Variants in SLC10A7 observed in about 807,000 individuals in gnomAD.
The protein encoded by SLC10A7 is sodium/bile acid cotransporter 7.
A neutral mutation model predicts 43.2 loss-of-function variants in SLC10A7; 29 were observed. The ratio of observed to expected loss-of-function variants is 0.67; its 90% CI spans 0.50 to 0.92. The LOEUF is 0.92. Ranked by LOEUF, SLC10A7 falls within the 40% of genes least tolerant of loss-of-function variation. The pLI is 0.00. For synonymous variants in SLC10A7, 152 were observed against 144.8 expected (o/e 1.05, Z -0.35); for missense variants, 295 against 403.2 (o/e 0.73, Z 2.30).
intron 5 of SLC10A7, among the ~76,000 whole-genome samples, chr4:146,410,915 C>A (rs958479764): frequency 3.9e-5 from 6 of 152,200 alleles, no homozygotes; most frequent in African/African-American, 1.4e-4. Context: ...CTCACTGCAA[C>A]CTCCGCCTCT....
chr4:146,268,680 C>A (rs565922292), intron 10 of SLC10A7, among the ~76,000 whole-genome samples: 1 of 152,254 alleles, frequency 6.6e-6, no homozygotes, highest in African/African-American at 2.4e-5. Context: ...CCATTGTTAT[C>A]CTCACTTTTC....
In SLC10A7 at chr4:146,448,249, A is replaced by T. The variant is rs183819647; in HGVS notation, c.397-5428T>A. Among the ~76,000 whole-genome samples the T allele has an allele frequency of 3.0e-3, 454 of 151,828 alleles. 2 individuals carry two copies. The highest frequency in any genetic ancestry group is 6.5e-3 in the African/African-American group (270 of 41,464). On this transcript the variant is annotated intron_variant, in intron 4 of 11. Transcript: ENST00000335472. ...AAAATTAAAAAATAAAAAAAATTTT[A>T]AAAAAAACTTAAAAAAATGGGGAAA...
chr4:146,318,037 CAT>C (rs1031949578), intron 6 of SLC10A7, among the ~76,000 whole-genome samples: 1 of 152,056 alleles, frequency 6.6e-6, no homozygotes, highest in African/African-American at 2.4e-5. Context: ...TGCTCAAGGA[CAT>C]GTGTCCACAA....
intron 5 of SLC10A7, among the ~76,000 whole-genome samples, chr4:146,400,263 A>C (rs1739135033): frequency 6.6e-6 from 1 of 152,202 alleles, no homozygotes; most frequent in Admixed American, 6.5e-5. Context: ...GACCTTGACA[A>C]GGGTAGAGCC....
chr4:146,427,099 T>C (rs1262372429), intron 5 of SLC10A7, among the ~76,000 whole-genome samples: 1 of 152,136 alleles, frequency 6.6e-6, no homozygotes, highest in Non-Finnish European at 1.5e-5. Flanking sequence ...CCAGACATGA[T>C]GGAAGATTTG....
intron 5 of SLC10A7, among the ~76,000 whole-genome samples, chr4:146,406,354 A>T (rs1033931093): frequency 1.3e-5 from 2 of 152,164 alleles, no homozygotes; most frequent in African/African-American, 4.8e-5. Flanking sequence ...TGTGTTTTTT[A>T]AAATTTTGCT....
At chr4:146,485,072 G>GA (rs1244779371) in intron 4 of SLC10A7, among the ~76,000 whole-genome samples, 2 of 151,986 alleles carry the variant, frequency 1.3e-5, no homozygotes, top group Non-Finnish European at 2.9e-5. Context: ...TTACCCACTG[G>GA]AAAAAAATAT....
At chr4:146,454,445 G>A (rs1731874323) in intron 4 of SLC10A7, among the ~76,000 whole-genome samples, 1 of 151,822 alleles carries the variant, frequency 6.6e-6, no homozygotes, top group Admixed American at 6.6e-5. Flanking sequence ...CAGCAGTAAA[G>A]CCAGAATAGA....
At chr4:146,495,320 G>C (rs1462999709) in intron 4 of SLC10A7, among the ~76,000 whole-genome samples, 2 of 152,232 alleles carry the variant, frequency 1.3e-5, no homozygotes, top group Non-Finnish European at 2.9e-5. Flanking sequence ...AGCGGAGAAA[G>C]TGACTGACAG....
At chr4:146,463,612 A>T (rs1159766883) in intron 4 of SLC10A7, among the ~76,000 whole-genome samples, 2 of 151,992 alleles carry the variant, frequency 1.3e-5, no homozygotes, top group African/African-American at 4.8e-5. Context: ...GCTGTGGCAC[A>T]TGCCTGTATG....
Position 146,495,211 on chromosome 4 carries a change from T to C in SLC10A7, c.396+8638A>G, listed in dbSNP as rs551761942. Among the ~76,000 whole-genome samples the C allele has an allele frequency of 1.6e-4, 25 of 152,278 alleles. No homozygotes were observed. The South Asian group carries it at 5.0e-3, about 30-fold the overall frequency. ...CTGACAATGTTTTTCAGACATAAGA[T>C]TCCTCCAGGATGCCACTAACCTTCC... On this transcript the variant is annotated intron_variant, in intron 4 of 11. Transcript: ENST00000335472.
At chr4:146,281,474 A>G (rs887244026) in intron 10 of SLC10A7, among the ~76,000 whole-genome samples, 3 of 151,658 alleles carry the variant, frequency 2.0e-5, no homozygotes, top group African/African-American at 7.3e-5. Flanking sequence ...AGCCTGTTGC[A>G]GAAATGTGGG....
At chr4:146,270,206 T>C (rs1728810294) in intron 10 of SLC10A7, among the ~76,000 whole-genome samples, 1 of 152,176 alleles carries the variant, frequency 6.6e-6, no homozygotes, top group African/African-American at 2.4e-5. Flanking sequence ...ATTATAAACA[T>C]TTGGCAGTTA....
At chr4:146,372,658 A>T (rs2149780759) in intron 5 of SLC10A7, among the ~76,000 whole-genome samples, 1 of 152,276 alleles carries the variant, frequency 6.6e-6, no homozygotes, top group East Asian at 1.9e-4. Context: ...CAAAACACTA[A>T]TTCATTTAAA....
intron 4 of SLC10A7, among the ~76,000 whole-genome samples, chr4:146,451,656 AT>A (rs1469583685): frequency 6.6e-6 from 1 of 152,268 alleles, no homozygotes; most frequent in African/African-American, 2.4e-5. Flanking sequence ...GATGCAGAAA[AT>A]GCATTTCATA....
chr4:146,346,479 T>C (rs1734631325), intron 5 of SLC10A7, among the ~76,000 whole-genome samples: 1 of 152,166 alleles, frequency 6.6e-6, no homozygotes, highest in Non-Finnish European at 1.5e-5. Flanking sequence ...TTTGATCTTC[T>C]GAGAAATTCT....
At chr4:146,314,405 A>T (rs976467326) in intron 6 of SLC10A7, among the ~76,000 whole-genome samples, 1 of 152,166 alleles carries the variant, frequency 6.6e-6, no homozygotes, top group African/African-American at 2.4e-5. Flanking sequence ...TATTCTGTGT[A>T]CATATGTGTT....
chr4:146,470,107 A>AT (rs1733426368), intron 4 of SLC10A7, among the ~76,000 whole-genome samples: 1 of 152,210 alleles, frequency 6.6e-6, no homozygotes, highest in Non-Finnish European at 1.5e-5. Flanking sequence ...CAGGCAGCAT[A>AT]CAGAGCTTGC....
At chr4:146,490,019 T>C (rs1735253417) in intron 4 of SLC10A7, among the ~76,000 whole-genome samples, 1 of 151,814 alleles carries the variant, frequency 6.6e-6, no homozygotes, top group Non-Finnish European at 1.5e-5. Context: ...CCAACAAAAA[T>C]TCTATTTTTT....
Sources: gnomAD v4.1 joint callset for allele counts (sites outside exome capture counted in the v4.1 genomes callset) on GRCh38, gnomAD v4.1.1 for gene constraint, MANE v1.5 for transcripts, NCBI Gene and HGNC (gene_info 2026-07-23, HGNC 2026-07-21) for gene names.